The following RSRC1 variants were observed in gnomAD, a reference collection of about 807,000 sequenced individuals.
RSRC1 encodes arginine and serine rich coiled-coil 1, also known as serine/Arginine-related protein 53.
A neutral mutation model predicts 49.1 loss-of-function variants in RSRC1; 39 were observed. That is an observed-to-expected ratio of 0.79 (90% CI 0.61 to 1.04). The LOEUF is 1.04. Ranked by LOEUF, RSRC1 falls within the 50% of genes least tolerant of loss-of-function variation. The pLI is 0.00. For synonymous variants in RSRC1, 143 were observed against 130.8 expected (o/e 1.09, Z -0.63); for missense variants, 388 against 402.4 (o/e 0.96, Z 0.31).
intron 3 of RSRC1, 79 bp from the exon 4 acceptor site, chr3:158,202,993 C>T (rs1721146657): frequency 8.7e-7 from 1 of 1,155,734 alleles, no homozygotes; most frequent in East Asian, 2.6e-5. Context: ...TAGTTTTTTT[C>T]AGATAATTTA....
intron 4 of RSRC1, among the ~76,000 whole-genome samples, chr3:158,281,328 CTTT>C (rs151165233): frequency 7.1e-6 from 1 of 141,014 alleles, no homozygotes; most frequent in Non-Finnish European, 1.6e-5. Context: ...TGAGCATAAG[CTTT>C]TTTTTTTTTT....
At chr3:158,327,671 A>G (rs1729246868) in intron 5 of RSRC1, among the ~76,000 whole-genome samples, 1 of 152,048 alleles carries the variant, frequency 6.6e-6, no homozygotes, top group Non-Finnish European at 1.5e-5. Flanking sequence ...CAATTTTGGA[A>G]TAGGTGTGGT....
At chr3:158,437,308 T>A (rs1019836368) in intron 6 of RSRC1, among the ~76,000 whole-genome samples, 3 of 152,106 alleles carry the variant, frequency 2.0e-5, no homozygotes, top group African/African-American at 7.2e-5. Context: ...TTTCTAAAAT[T>A]GAAAATGGTT....
chr3:158,358,665 A>C (rs1731293331), intron 6 of RSRC1, among the ~76,000 whole-genome samples: 1 of 152,170 alleles, frequency 6.6e-6, no homozygotes, highest in Non-Finnish European at 1.5e-5. Context: ...CATTCAGTAC[A>C]TTCACAGTTT....
At chr3:158,187,972 A>T (rs1720023765) in intron 3 of RSRC1, among the ~76,000 whole-genome samples, 1 of 151,970 alleles carries the variant, frequency 6.6e-6, no homozygotes. Flanking sequence ...TTTAAGCATT[A>T]ATTGAAGTAG....
intron 6 of RSRC1, among the ~76,000 whole-genome samples, chr3:158,383,892 G>A (rs1732835506): frequency 6.6e-6 from 1 of 151,606 alleles, no homozygotes; most frequent in Admixed American, 6.6e-5. Flanking sequence ...CACATACATG[G>A]GATATGCCTT....
At chr3:158,475,269 C>T (rs1738318225) in intron 7 of RSRC1, among the ~76,000 whole-genome samples, 1 of 152,018 alleles carries the variant, frequency 6.6e-6, no homozygotes, top group South Asian at 2.1e-4. Context: ...TATTGAGCCA[C>T]CTCCTATATG....
At chr3:158,239,974 G>T (rs988054732) in intron 4 of RSRC1, among the ~76,000 whole-genome samples, 2 of 152,046 alleles carry the variant, frequency 1.3e-5, no homozygotes, top group African/African-American at 4.8e-5. Context: ...AAAACAACTT[G>T]TTTGTACTTT....
intron 7 of RSRC1, among the ~76,000 whole-genome samples, chr3:158,470,460 T>C (rs1443758211): frequency 6.6e-6 from 1 of 151,974 alleles, no homozygotes; most frequent in Admixed American, 6.6e-5. Flanking sequence ...AGTGGTATGC[T>C]ATGTCCTTTA....
At chr3:158,211,364 C>T (rs1051324025) in intron 4 of RSRC1, among the ~76,000 whole-genome samples, 1 of 151,856 alleles carries the variant, frequency 6.6e-6, no homozygotes, top group African/African-American at 2.4e-5. Flanking sequence ...TATTACTTAC[C>T]TAATTAATGA....
chr3:158,214,380 T>A (rs188593744), intron 4 of RSRC1, among the ~76,000 whole-genome samples: 15 of 151,900 alleles, frequency 9.9e-5, no homozygotes, highest in Admixed American at 2.6e-4. Context: ...TGCTAGAGGA[T>A]TTTTTGGGGT....
At chr3:158,458,542 G>A (rs550104560) in intron 6 of RSRC1, among the ~76,000 whole-genome samples, 1 of 152,274 alleles carries the variant, frequency 6.6e-6, no homozygotes, top group South Asian at 2.1e-4. Context: ...CGTCCAGGGT[G>A]GGTAGTGAAG....
intron 7 of RSRC1, among the ~76,000 whole-genome samples, chr3:158,518,545 C>T (rs190906696): frequency 1.3e-4 from 19 of 151,800 alleles, no homozygotes; most frequent in Non-Finnish European, 2.1e-4. Flanking sequence ...TTAGAAGTAC[C>T]GGTAGAAGTA....
At chr3:158,519,131 G>C (rs1302703223) in intron 7 of RSRC1, among the ~76,000 whole-genome samples, 1 of 151,992 alleles carries the variant, frequency 6.6e-6, no homozygotes, top group East Asian at 1.9e-4. Context: ...CTGGTTGCTT[G>C]ATCCAGAAAG....
chr3:158,189,126 T>C (rs1720084710), intron 3 of RSRC1, among the ~76,000 whole-genome samples: 1 of 151,924 alleles, frequency 6.6e-6, no homozygotes, highest in Admixed American at 6.6e-5. Flanking sequence ...TAGGGATTCT[T>C]CTAGTTGTCT....
At chr3:158,143,573 G>A (rs1004517001) in intron 3 of RSRC1, among the ~76,000 whole-genome samples, 1 of 152,082 alleles carries the variant, frequency 6.6e-6, no homozygotes, top group Non-Finnish European at 1.5e-5. Context: ...CTAGGTTCAT[G>A]TCTATCAATA....
intron 1 of RSRC1, among the ~76,000 whole-genome samples, chr3:158,113,874 T>A (rs1227851618): frequency 6.6e-6 from 1 of 152,206 alleles, no homozygotes; most frequent in Non-Finnish European, 1.5e-5. Flanking sequence ...CAAATTTGTT[T>A]AACTTCCTTA....
intron 3 of RSRC1, among the ~76,000 whole-genome samples, chr3:158,126,229 A>C (rs913491847): frequency 6.6e-6 from 1 of 152,148 alleles, no homozygotes; most frequent in African/African-American, 2.4e-5. Flanking sequence ...ATAATTACTG[A>C]TGGGGAAGGA....
intron 1 of RSRC1, among the ~76,000 whole-genome samples, chr3:158,117,690 G>T (rs1714932954): frequency 6.6e-6 from 1 of 152,106 alleles, no homozygotes; most frequent in Admixed American, 6.5e-5. Context: ...GCAGTGGTGG[G>T]ATTATACCTC....
Sources: gnomAD v4.1 joint callset for allele counts (sites outside exome capture counted in the v4.1 genomes callset) on GRCh38, gnomAD v4.1.1 for gene constraint, MANE v1.5 for transcripts, NCBI Gene and HGNC (gene_info 2026-07-23, HGNC 2026-07-21) for gene names.